Variants in LMO7 observed in about 807,000 individuals in gnomAD.
The protein encoded by LMO7 is LIM domain only protein 7.
LMO7 carries 120 observed loss-of-function variants against 206.5 expected under a neutral mutation model. The ratio of observed to expected loss-of-function variants is 0.58; its 90% CI spans 0.50 to 0.68. The LOEUF (loss-of-function observed/expected upper bound fraction) is 0.68, where lower values mean the gene tolerates loss of function less well. Among genes scored for constraint, LMO7 ranks in the 30% least tolerant of loss-of-function variants. The probability of loss-of-function intolerance (pLI) is 0.00; values close to 1 mark genes in which losing one functional copy is unlikely to be tolerated. For synonymous variants in LMO7, 706 were observed against 681.5 expected, an observed-to-expected ratio of 1.04 and a Z score of -0.56; for missense variants, 1,959 against 1,957.9, an observed-to-expected ratio of 1.00 and a Z score of -0.01.
intron 3 of LMO7, among the ~76,000 whole-genome samples, chr13:75,738,042 G>T (rs2046092636): frequency 6.6e-6 from 1 of 151,886 alleles, no homozygotes; most frequent in Admixed American, 6.6e-5. Flanking sequence ...TAAGAAGACA[G>T]TCGTCTTGGC....
intron 3 of LMO7, among the ~76,000 whole-genome samples, chr13:75,735,787 A>G (rs12876531): frequency 0.057 from 8,633 of 152,020 alleles, 318 homozygotes; most frequent in Middle Eastern, 0.1. Context: ...GGAAATATTC[A>G]GTTTAATAAA....
intron 1 of LMO7, chr13:75,622,209 A>G: frequency 6.2e-6 from 1 of 161,092 alleles, no homozygotes; most frequent in Non-Finnish European, 1.3e-5. Flanking sequence ...TTTCAACCTG[A>G]ACTTTTGTTG....
upstream of LMO7, among the ~76,000 whole-genome samples, chr13:75,632,861 A>ATTTTTTTTTTTT (rs1339104269): frequency 3.3e-5 from 1 of 30,562 alleles, no homozygotes; most frequent in African/African-American, 8.6e-5. Flanking sequence ...ATTACTTAAA[A>ATTTTTTTTTTTT]GTTTTTTTTT....
chr13:75,849,160 C>A lies in LMO7; in HGVS notation c.4232C>A (p.Ala1411Glu). The change falls in exon 27 of 31, where the codon GCA becomes GAA. Residue 1411 changes from alanine (A) to glutamate (E), a missense_variant. Ala to Glu is a moderately radical substitution (Grantham distance 107). Coordinates refer to ENST00000377534, the MANE Select transcript of LMO7 (RefSeq NM_001306080.2). ...AAGAAAGAACAAGTACCATCAGGAG[C>A]AGAATTGGAGAGGCAACAAATCCTT... ...RSKKEQVPSG[A>E]ELERQQILQE... 2 of 1,613,626 alleles carry A rather than the reference C, an allele frequency of 1.2e-6. No homozygotes were observed. The highest frequency in any genetic ancestry group is 1.7e-6 in the Non-Finnish European group (2 of 1,179,556).
At chr13:75,626,595 A>ATATATATATATATATTTT in intron 2 of LMO7, among the ~76,000 whole-genome samples, 1 of 71,098 alleles carries the variant, frequency 1.4e-5, no homozygotes, top group Admixed American at 1.5e-4. Flanking sequence ...ATATATATAA[A>ATATATATATATATATTTT]TTTTTTTGAG....
intron 1 of LMO7, among the ~76,000 whole-genome samples, chr13:75,683,046 TG>T (rs2040677315): frequency 6.6e-6 from 1 of 151,832 alleles, no homozygotes; most frequent in African/African-American, 2.4e-5. Context: ...TTACTTCCAG[TG>T]GTTTGACTTT....
intron 1 of LMO7, among the ~76,000 whole-genome samples, chr13:75,669,588 G>A (rs1255338723): frequency 2.6e-5 from 4 of 152,156 alleles, no homozygotes. Flanking sequence ...GAAGTGAATA[G>A]CATAGCAATG....
At chr13:75,710,042 T>G (rs1320290201) in intron 1 of LMO7, among the ~76,000 whole-genome samples, 1 of 152,214 alleles carries the variant, frequency 6.6e-6, no homozygotes, top group Non-Finnish European at 1.5e-5. Context: ...CCAGCACCAT[T>G]TATTAAATAG....
chr13:75,658,779 C>T lies in LMO7; in HGVS notation c.69+22053C>T, dbSNP rs368935025. On this transcript the variant is annotated intron_variant, in intron 1 of 30. Transcript: ENST00000377534. The stretch of plus-strand genomic sequence containing the variant: ...TTTTTTTTTGTATTTTTAGTAGAGA[C>T]GGGGTTTCACTGTGTTAGCCAGGAT... Among the ~76,000 whole-genome samples the T allele has an allele frequency of 1.1e-4, 17 of 150,774 alleles. No homozygotes were observed. In the East Asian group the frequency reaches 2.0e-3, roughly 17 times the overall value.
At chr13:75,832,305 ATAAT>A (rs1186327349) in intron 15 of LMO7, among the ~76,000 whole-genome samples, 1 of 152,202 alleles carries the variant, frequency 6.6e-6, no homozygotes, top group African/African-American at 2.4e-5. Context: ...AGCTATGAGA[ATAAT>A]TATACCTTTT....
chr13:75,841,007 G>T, intron 22 of LMO7, 102 bp from the exon 23 acceptor site: 1 of 711,380 alleles, frequency 1.4e-6, no homozygotes, highest in Non-Finnish European at 2.3e-6. Context: ...GTCTTTAAAG[G>T]TTTGAGGTTG....
rs559130944 is a variant in LMO7 at position 75,761,034 on chromosome 13, G to A, written c.313G>A (p.Val105Ile). 1.3e-5 allele frequency: 21 copies of A among 1,601,394 alleles called. No individual in the cohort carries two copies. In the Admixed American group the frequency reaches 3.2e-4, roughly 25 times the overall value. Residue 105 changes from valine to isoleucine, a missense_variant, in exon 4 of 31, where the codon GTC becomes ATC. By Grantham distance (29) the Val-to-Ile change is conservative. Coordinates refer to ENST00000377534, the MANE Select transcript of LMO7 (RefSeq NM_001306080.2). ...DLQDLSNRVT[V>I]KQEETDRRVK... ...ACAGGATTTATCAAATCGAGTCACTGTCAAGTAAGTTTCAACAGTTTGTTA... is the reference window on the plus strand; with the variant it reads ...ACAGGATTTATCAAATCGAGTCACTATCAAGTAAGTTTCAACAGTTTGTTA...
At chr13:75,757,208 C>T (rs538615251) in intron 3 of LMO7, among the ~76,000 whole-genome samples, 1 of 152,280 alleles carries the variant, frequency 6.6e-6, no homozygotes, top group South Asian at 2.1e-4. Context: ...ATTTGTCAGC[C>T]ACATGAGTGA....
rs986797268 is a variant in LMO7 at position 75,749,774 on chromosome 13, G to A, written c.211-11158G>A. On this transcript the variant is annotated intron_variant, in intron 3 of 30. Coordinates refer to ENST00000377534, the MANE Select transcript of LMO7 (RefSeq NM_001306080.2). ...ACTTTCATATGTTATGAAACTTTAC[G>A]GCTTTCCTTGTCCTTAGTTCCTTTG... Among the ~76,000 whole-genome samples, 12 of 151,402 alleles carry A rather than the reference G, an allele frequency of 7.9e-5. No individual in the cohort carries two copies. The East Asian group carries it at 2.1e-3, about 27-fold the overall frequency.
chr13:75,661,983 C>T (rs1389037744), intron 1 of LMO7, among the ~76,000 whole-genome samples: 1 of 152,092 alleles, frequency 6.6e-6, no homozygotes, highest in African/African-American at 2.4e-5. Context: ...TATTTATTTG[C>T]CATTTTTAAT....
intron 10 of LMO7, 83 bp downstream of exon 10, chr13:75,808,282 G>T: frequency 7.0e-7 from 1 of 1,419,396 alleles, no homozygotes; most frequent in Non-Finnish European, 9.4e-7. Context: ...AGCTCATCGT[G>T]TTGCTCAACT....
At chr13:75,767,327 C>G (rs2049031774) in intron 4 of LMO7, among the ~76,000 whole-genome samples, 3 of 151,912 alleles carry the variant, frequency 2.0e-5, no homozygotes, top group African/African-American at 7.3e-5. Context: ...TTGAGACTTT[C>G]CGGTAGAAAA....
intron 7 of LMO7, chr13:75,804,080 AG>A (rs1481586042): frequency 5.8e-6 from 3 of 519,066 alleles, no homozygotes; most frequent in African/African-American, 5.7e-5. Context: ...CAGCAGCAAA[AG>A]AATGTACTGC....
At chr13:75,631,103 T>G (rs1193274400) in intron 2 of LMO7, among the ~76,000 whole-genome samples, 3 of 152,230 alleles carry the variant, frequency 2.0e-5, no homozygotes, top group Admixed American at 2.0e-4. Context: ...CTTGGCTCAC[T>G]GCAACCTCTG....
Sources: allele counts gnomAD v4.1 joint callset (sites outside exome capture counted in the v4.1 genomes callset), GRCh38; gene constraint gnomAD v4.1.1; transcripts MANE v1.5; gene names NCBI Gene and HGNC (gene_info 2026-07-23, HGNC 2026-07-21).